Variants in SEMA6D observed in about 807,000 individuals in gnomAD.
SEMA6D encodes the protein semaphorin 6D.
SEMA6D carries 35 observed loss-of-function variants against 106.6 expected under a neutral mutation model. That is an observed-to-expected ratio of 0.33 (90% CI 0.25 to 0.44). The LOEUF is 0.44. Among genes scored for constraint, SEMA6D ranks in the 20% least tolerant of loss-of-function variants. The pLI, the probability that SEMA6D is intolerant of heterozygous loss-of-function variation, is 1.00. For synonymous variants in SEMA6D, 499 were observed against 487.7 expected (o/e 1.02, Z -0.31); for missense variants, 1,185 against 1,345.9 (o/e 0.88, Z 1.87).
At chr15:47,686,047 G>A (rs1048094015) in intron 4 of SEMA6D, among the ~76,000 whole-genome samples, 1 of 152,046 alleles carries the variant, frequency 6.6e-6, no homozygotes, top group African/African-American at 2.4e-5. Context: ...GCTACTATCA[G>A]GTGGGGAAAA....
chr15:47,350,331 A>C (rs2038270253), intron 1 of SEMA6D, among the ~76,000 whole-genome samples: 1 of 152,220 alleles, frequency 6.6e-6, no homozygotes, highest in Admixed American at 6.5e-5. Flanking sequence ...GCATATAAAA[A>C]TAAATGTTAG....
intron 3 of SEMA6D, among the ~76,000 whole-genome samples, chr15:47,497,939 G>A (rs2043724271): frequency 6.6e-6 from 1 of 151,978 alleles, no homozygotes; most frequent in Non-Finnish European, 1.5e-5. Flanking sequence ...CACTACATCA[G>A]GACCTCAGCA....
At chr15:47,669,623 T>G (rs754823822) in intron 4 of SEMA6D, among the ~76,000 whole-genome samples, 2 of 152,202 alleles carry the variant, frequency 1.3e-5, no homozygotes, top group African/African-American at 2.4e-5. Context: ...CATTTCACTT[T>G]CAAAAGATGA....
chr15:47,348,626 T>A (rs1025152099), intron 1 of SEMA6D, among the ~76,000 whole-genome samples: 1 of 150,082 alleles, frequency 6.7e-6, no homozygotes, highest in African/African-American at 2.5e-5. Flanking sequence ...GTGAAGCCAG[T>A]ACATATGTGA....
At chr15:47,753,034 G>T (rs1014642395) in intron 1 of SEMA6D, among the ~76,000 whole-genome samples, 3 of 151,806 alleles carry the variant, frequency 2.0e-5, no homozygotes, top group African/African-American at 7.2e-5. Context: ...ACATGGGAAA[G>T]AGTTGATGTA....
rs1244920323 is a variant in SEMA6D, at chr15:47,625,497, A to C, written c.-55+24601A>C. The stretch of plus-strand genomic sequence containing the variant: ...CATGCCTGTAATCCCAGCACTTTAT[A>C]AGGCTGTGGCAGGCAAATTGCTTGA... On this transcript the variant is annotated intron_variant, in intron 4 of 19. Coordinates refer to the SEMA6D transcript ENST00000558014. Among the ~76,000 whole-genome samples the C allele has an allele frequency of 2.6e-5, 4 of 152,052 alleles. No homozygotes were observed. In the East Asian group the frequency reaches 5.8e-4, roughly 22 times the overall value.
intron 3 of SEMA6D, among the ~76,000 whole-genome samples, chr15:47,512,323 A>G (rs556371854): frequency 6.6e-6 from 1 of 152,336 alleles, no homozygotes; most frequent in African/African-American, 2.4e-5. Context: ...TCAGATTAAT[A>G]TTCTTTATTT....
Position 47,771,885 on chromosome 15 carries a change from A to G in SEMA6D, c.*100A>G. The G allele has an allele frequency of 7.9e-7, 1 of 1,257,884 alleles. No individual in the cohort carries two copies. The highest frequency in any genetic ancestry group is 1.1e-6 in the Non-Finnish European group (1 of 902,208). The allele number at this position is 1,257,884 out of a possible 1,614,324, so 77.9% of individuals were successfully genotyped here. Reference sequence around the variant, plus strand: ...AAAACAAGAGACTCGCTTGTATTTTAAGAGAACCAAGTGGCCAAAGAAACT... The same window carrying G: ...AAAACAAGAGACTCGCTTGTATTTTGAGAGAACCAAGTGGCCAAAGAAACT... On this transcript the variant is annotated 3_prime_UTR_variant, in exon 19 of 19. Coordinates refer to ENST00000536845, the MANE Select transcript of SEMA6D (RefSeq NM_001358351.3).
intron 3 of SEMA6D, among the ~76,000 whole-genome samples, chr15:47,490,178 G>A (rs568224157): frequency 6.6e-6 from 1 of 152,144 alleles, no homozygotes; most frequent in Admixed American, 6.6e-5. Context: ...TTCCTTGGGG[G>A]AAAGGACTAT....
At chr15:47,533,619 T>A (rs987330593) in intron 3 of SEMA6D, among the ~76,000 whole-genome samples, 1 of 152,232 alleles carries the variant, frequency 6.6e-6, no homozygotes, top group African/African-American at 2.4e-5. Context: ...TCAGGGTGGA[T>A]GTGTGACTGA....
intron 3 of SEMA6D, among the ~76,000 whole-genome samples, chr15:47,589,486 TCTCCTTGGCCTGCTGAGCCATGGG>T (rs1279995988): frequency 6.6e-6 from 1 of 152,216 alleles, no homozygotes; most frequent in Non-Finnish European, 1.5e-5. Context: ...CCAGTGGTCC[TCTCCTTGGCCTGCTGAGCCATGGG>T]CTCCTTGGCC....
intron 3 of SEMA6D, among the ~76,000 whole-genome samples, chr15:47,571,744 A>T (rs1209479926): frequency 3.3e-5 from 5 of 152,210 alleles, no homozygotes; most frequent in Non-Finnish European, 1.5e-5. Context: ...TTGCAAGATC[A>T]TTTTTGGTAC....
intron 3 of SEMA6D, among the ~76,000 whole-genome samples, chr15:47,564,371 A>G (rs966815122): frequency 1.3e-5 from 2 of 152,136 alleles, no homozygotes; most frequent in African/African-American, 4.8e-5. Context: ...CTAAGCCTCT[A>G]TTTCTTCATT....
At chr15:47,436,878 G>A (rs1354771611) in intron 2 of SEMA6D, among the ~76,000 whole-genome samples, 2 of 149,550 alleles carry the variant, frequency 1.3e-5, no homozygotes, top group Non-Finnish European at 3.0e-5. Flanking sequence ...AGGTTGCAGT[G>A]AGCTGCAATT....
At chr15:47,638,667 A>C (rs912435460) in intron 4 of SEMA6D, among the ~76,000 whole-genome samples, 3 of 152,234 alleles carry the variant, frequency 2.0e-5, no homozygotes, top group African/African-American at 7.2e-5. Context: ...TTATATTAAA[A>C]TCTGCTAAAT....
intron 4 of SEMA6D, among the ~76,000 whole-genome samples, chr15:47,663,456 G>A (rs769910411): frequency 6.6e-6 from 1 of 152,122 alleles, no homozygotes; most frequent in East Asian, 1.9e-4. Flanking sequence ...ACAAAATTAG[G>A]ATTTTGCTTT....
chr15:47,608,165 C>T (rs1240531371), intron 4 of SEMA6D, among the ~76,000 whole-genome samples: 1 of 152,058 alleles, frequency 6.6e-6, no homozygotes, highest in Non-Finnish European at 1.5e-5. Flanking sequence ...AATTTTCTGC[C>T]GTTTCCTTAA....
chr15:47,434,695 A>T (rs2041647532), intron 2 of SEMA6D, among the ~76,000 whole-genome samples: 1 of 152,178 alleles, frequency 6.6e-6, no homozygotes, highest in Non-Finnish European at 1.5e-5. Context: ...TCTAGTACAT[A>T]GAATTCATTC....
intron 3 of SEMA6D, among the ~76,000 whole-genome samples, chr15:47,597,946 T>TA (rs1310126042): frequency 6.6e-6 from 1 of 151,046 alleles, no homozygotes; most frequent in African/African-American, 2.4e-5. Context: ...AAATTAAATT[T>TA]AAAAAACTAA....
Sources: gnomAD v4.1 joint callset for allele counts (sites outside exome capture counted in the v4.1 genomes callset) on GRCh38, gnomAD v4.1.1 for gene constraint, MANE v1.5 for transcripts, NCBI Gene and HGNC (gene_info 2026-07-23, HGNC 2026-07-21) for gene names.